Variants in CSPG4 observed in about 807,000 individuals in gnomAD.
CSPG4 encodes chondroitin sulfate proteoglycan 4 (melanoma-associated).
In CSPG4, 74 loss-of-function variants were observed where a neutral mutation model predicts 139.3. The observed-to-expected ratio is 0.53, with a 90% CI of 0.44 to 0.64. The LOEUF (loss-of-function observed/expected upper bound fraction) is 0.64, where lower values mean the gene tolerates loss of function less well. Ranked by LOEUF, CSPG4 falls within the 30% of genes least tolerant of loss-of-function variation. CSPG4 has a pLI of 0.00. For synonymous variants in CSPG4, 1,234 were observed against 1,394.2 expected, an observed-to-expected ratio of 0.89 and a Z score of 2.56; for missense variants, 2,565 against 3,148.3, an observed-to-expected ratio of 0.81 and a Z score of 4.43.
At chr15:75,690,834 G>C (rs1429043776) in intron 2 of CSPG4, 22 bp from the exon 3 acceptor site, 11 of 1,587,782 alleles carry the variant, frequency 6.9e-6, no homozygotes, top group Non-Finnish European at 7.7e-6. Context: ...TGGGGAGTGG[G>C]AGATAGTGGA....
chr15:75,709,441 T>C (rs951798000), intron 1 of CSPG4, among the ~76,000 whole-genome samples: 3 of 152,162 alleles, frequency 2.0e-5, no homozygotes, highest in African/African-American at 7.2e-5. Context: ...CATTTGCCCC[T>C]GGCCTTGAAT....
In CSPG4 at chr15:75,689,503, T is replaced by C; in HGVS notation, c.1562A>G (p.Glu521Gly). 6.3e-7 allele frequency: 1 copy of C among 1,588,914 alleles called. No individual in the cohort carries two copies. The highest frequency in any genetic ancestry group is 2.2e-5 in the East Asian group (1 of 44,708). Reference protein sequence around the residue: ...SEDTSDQLVLEVSVTARVPMP... With the variant: ...SEDTSDQLVLGVSVTARVPMP... ...GGGCACCCGAGCCGTCACCGACACCTCCAGCACCAGCTGGTCGGAGGTGTC... is the reference window on the plus strand; with the variant it reads ...GGGCACCCGAGCCGTCACCGACACCCCCAGCACCAGCTGGTCGGAGGTGTC... Residue 521 changes from glutamate (E) to glycine (G), a missense_variant, in exon 3 of 10, where the codon GAG becomes GGG. Coordinates refer to ENST00000308508, the MANE Select transcript of CSPG4 (RefSeq NM_001897.5).
Position 75,684,748 on chromosome 15 carries a change from G to C in CSPG4, c.4437C>G (p.Asn1479Lys). 6.2e-7 allele frequency: 1 copy of C among 1,613,648 alleles called. No homozygotes were observed. Among genetic ancestry groups the C allele is most frequent in the Non-Finnish European group, 8.5e-7 (1 of 1,179,792 alleles). ...VNDQPPILTT[N>K]TGLQMWEGAT... Reference sequence around the variant, plus strand: ...GGGATGCTCTCACCTGCAGGCCTGTGTTTGTAGTGAGGATGGGGGGTTGGT... The same window carrying C: ...GGGATGCTCTCACCTGCAGGCCTGTCTTTGTAGTGAGGATGGGGGGTTGGT... The change falls in exon 5 of 10, where the codon AAC becomes AAG. Residue 1479 changes from asparagine (N) to lysine (K), a missense_variant. Around this residue, in one of 5 missense-constraint regions of CSPG4, gnomAD observed 2,316 missense variants for 2,818.2 expected, o/e 0.82. Transcript: ENST00000308508.
chr15:75,708,553 T>C (rs1761631752), intron 1 of CSPG4, among the ~76,000 whole-genome samples: 1 of 152,210 alleles, frequency 6.6e-6, no homozygotes, highest in East Asian at 1.9e-4. Context: ...TGTCTGTCCC[T>C]GCAGACCTCT....
At chr15:75,692,225 C>T (rs773679955) in intron 2 of CSPG4, among the ~76,000 whole-genome samples, 19 of 152,112 alleles carry the variant, frequency 1.2e-4, no homozygotes, top group Non-Finnish European at 1.8e-4. Context: ...CTCAGGTGAT[C>T]CACCCGCCTC....
At position 75,688,571 on chromosome 15, in the gene CSPG4, C is replaced by T; in HGVS notation, c.2494G>A (p.Gly832Ser). Residue 832 changes from glycine to serine, a missense_variant, in exon 3 of 10, where the codon GGC (glycine) becomes AGC (serine). Around this residue, in one of 5 missense-constraint regions of CSPG4, gnomAD observed 2,316 missense variants for 2,818.2 expected, o/e 0.82. Coordinates refer to ENST00000308508, the MANE Select transcript of CSPG4 (RefSeq NM_001897.5). ...HYEVVQAPRK[G>S]NLQLQGTRLS... ...CTTGTGCCCTGTAGTTGAAGGTTGC[C>T]TTTCCTGGGAGCCTGAACCACCTCA... 2 of 1,613,056 alleles carry T rather than the reference C, an allele frequency of 1.2e-6. No homozygotes were observed. Among genetic ancestry groups the T allele is most frequent in the Non-Finnish European group, 1.7e-6 (2 of 1,179,974 alleles).
Position 75,676,857 on chromosome 15 carries a change from G to T in CSPG4, c.5662C>A (p.Leu1888Met). The T allele has an allele frequency of 6.3e-7, 1 of 1,581,200 alleles. No homozygotes were observed. The highest frequency in any genetic ancestry group is 8.6e-7 in the Non-Finnish European group (1 of 1,163,400). The change falls in exon 10 of 10, where the codon CTG becomes ATG. Residue 1888 changes from leucine (L) to methionine (M), a missense_variant. By Grantham distance (15) the Leu-to-Met change is conservative. Transcript: ENST00000308508. ...NGFLSLVGGG[L>M]GPVTRFTQAD... The stretch of plus-strand genomic sequence containing the variant: ...TGCGTGAAGCGGGTCACGGGCCCCA[G>T]GCCACCACCCACCAGGCTGAGGAAG...
intron 1 of CSPG4, among the ~76,000 whole-genome samples, chr15:75,708,684 C>A (rs1894405254): frequency 6.6e-6 from 1 of 152,186 alleles, no homozygotes; most frequent in African/African-American, 2.4e-5. Flanking sequence ...CAAAGAGAGA[C>A]CTGAGGCAGT....
At position 75,688,392 on chromosome 15, in the gene CSPG4, GA is replaced by G. The variant is rs1894097995; in HGVS notation, c.2672del (p.Ile891ThrfsTer67). ...GCGCATCTGGGTCACCACCAATGTG[GA>G]TGGGGAAGGTATAGAGTGGGGAGAA... ...PYFSPLYTFP[I>X]HIGGDPDAPV... On this transcript the variant is annotated frameshift_variant, in exon 3 of 10. Transcript: ENST00000308508. LOFTEE classifies it high-confidence loss of function. The G allele has an allele frequency of 6.2e-7, 1 of 1,613,264 alleles. No individual in the cohort carries two copies.
In CSPG4 at chr15:75,677,757, C is replaced by T; in HGVS notation, c.5080G>A (p.Val1694Met). The T allele has an allele frequency of 6.2e-7, 1 of 1,610,782 alleles. No individual in the cohort carries two copies. The highest frequency in any genetic ancestry group is 8.5e-7 in the Non-Finnish European group (1 of 1,178,614). Reference protein sequence around the residue: ...RDVAATLAVAVSFEAACPQRP... With the variant: ...RDVAATLAVAMSFEAACPQRP... The stretch of plus-strand genomic sequence containing the variant: ...TGGGGACAGGCAGCCTCAAAAGACA[C>T]AGCCACAGCAAGGGTGGCGGCCACG... Residue 1694 changes from valine (V) to methionine (M), a missense_variant, in exon 9 of 10, where the codon GTG becomes ATG. By Grantham distance (21) the Val-to-Met change is conservative. Transcript: ENST00000308508.
chr15:75,706,161 C>T (rs1894368447), intron 1 of CSPG4, among the ~76,000 whole-genome samples: 2 of 152,180 alleles, frequency 1.3e-5, no homozygotes, highest in African/African-American at 4.8e-5. Context: ...ATAGCTGCCC[C>T]TTCCTGAAAT....
In CSPG4 at chr15:75,697,062, C is replaced by CGGCCAG. The variant is rs1201347867; in HGVS notation, c.89-3835_89-3830dup. ...CTCTGCCCATCAGGCCCGCCTCCCC[C>CGGCCAG]GGCCAGGGCCCCACCTTCCCCAGCC... On this transcript the variant is annotated intron_variant, in intron 1 of 9. Transcript: ENST00000308508. 4.6e-5 allele frequency among the ~76,000 whole-genome samples: 7 copies of CGGCCAG among 152,228 alleles called. No individual in the cohort carries two copies. In the East Asian group the frequency reaches 1.2e-3, roughly 25 times the overall value.
At position 75,687,153 on chromosome 15, in the gene CSPG4, G is replaced by A. The variant is rs573413068; in HGVS notation, c.3789+123C>T. On this transcript the variant is annotated intron_variant, in intron 3 of 9. Transcript: ENST00000308508. The surrounding 1 kb of genome is among the most constrained non-coding windows in gnomAD (Gnocchi z 5.4). The stretch of plus-strand genomic sequence containing the variant: ...ATATACGGGAGCACATCTGAGGCAC[G>A]TGCACACATGTAACCTGGAGCCACC... 8.6e-4 allele frequency: 988 copies of A among 1,147,254 alleles called. 1 individual carries two copies. The highest frequency in any genetic ancestry group is 1.4e-3 in the Admixed American group (78 of 55,994). 71.1% of individuals were successfully genotyped at this position (1,147,254 alleles called of 1,614,324 possible).
At chr15:75,710,147 A>G (rs929206609) in intron 1 of CSPG4, among the ~76,000 whole-genome samples, 6 of 152,018 alleles carry the variant, frequency 3.9e-5, no homozygotes, top group Admixed American at 1.3e-4. Flanking sequence ...GGTAACACAC[A>G]AGCCCTCCCT....
Position 75,683,018 on chromosome 15 carries a change from G to A in CSPG4, c.4473C>T (p.Pro1491=), listed in dbSNP as rs1894000350. ...GLQMWEGATA[P]IPAEALRSTD... ...TGCTCCTCAGAGCCTCCGCAGGGAT[G>A]GGCGCAGTGGCCCCCTCCCACATCT... is the stretch of plus-strand genomic sequence containing the variant. The change falls in exon 6 of 10, where the codon CCC becomes CCT. Residue 1491 remains proline (P), a synonymous_variant. Coordinates refer to ENST00000308508, the MANE Select transcript of CSPG4 (RefSeq NM_001897.5). 3 of 1,610,608 alleles carry A rather than the reference G, an allele frequency of 1.9e-6. No individual in the cohort carries two copies. The highest frequency in any genetic ancestry group is 2.5e-6 in the Non-Finnish European group (3 of 1,179,608).
At chr15:75,677,908 G>T (rs1012955476) in intron 8 of CSPG4, 22 bp from the exon 9 acceptor site, 1 of 1,578,066 alleles carries the variant, frequency 6.3e-7, no homozygotes, top group Non-Finnish European at 8.6e-7. Flanking sequence ...ACCATCGTGG[G>T]GTGAGAGGCA....
chr15:75,695,279 T>G (rs1596011182), intron 1 of CSPG4, among the ~76,000 whole-genome samples: 2 of 152,256 alleles, frequency 1.3e-5, no homozygotes, highest in East Asian at 3.9e-4. Flanking sequence ...CTGAACTAGA[T>G]GGTTGGCCCT....
At chr15:75,704,091 G>A (rs1379332836) in intron 1 of CSPG4, among the ~76,000 whole-genome samples, 2 of 137,130 alleles carry the variant, frequency 1.5e-5, no homozygotes, top group South Asian at 2.4e-4. Context: ...TGGCAGGCTG[G>A]GCTGCTTCTC....
intron 2 of CSPG4, among the ~76,000 whole-genome samples, chr15:75,691,121 C>T (rs1894160777): frequency 6.6e-6 from 1 of 152,156 alleles, no homozygotes; most frequent in Admixed American, 6.5e-5. Flanking sequence ...TTGCAGTGAG[C>T]TGAGATCATG....
Sources: gnomAD v4.1 joint callset for allele counts (sites outside exome capture counted in the v4.1 genomes callset) on GRCh38, gnomAD v4.1.1 for gene constraint, gnomAD v4.1.1 regional missense constraint, Gnocchi (gnomAD v3.1) non-coding constraint, MANE v1.5 for transcripts, NCBI Gene and HGNC (gene_info 2026-07-23, HGNC 2026-07-21) for gene names.